CRLS1: variants seen among roughly 807,000 people sequenced by gnomAD.
The protein encoded by CRLS1 is cardiolipin synthase 1, also known as cardiolipin synthase (CMP-forming).
A neutral mutation model predicts 37.0 loss-of-function variants in CRLS1; 24 were observed. The ratio of observed to expected loss-of-function variants is 0.65; its 90% CI spans 0.47 to 0.91. The LOEUF (loss-of-function observed/expected upper bound fraction) is 0.91. Among genes scored for constraint, CRLS1 ranks in the 40% least tolerant of loss-of-function variants. The pLI, the probability that CRLS1 is intolerant of heterozygous loss-of-function variation, is 0.00. For missense variants in CRLS1, 373 were observed against 395.8 expected (o/e 0.94, Z 0.49); for synonymous variants, 135 against 159.7 (o/e 0.85, Z 1.17).
intron 1 of CRLS1, among the ~76,000 whole-genome samples, chr20:6,008,245 G>GT (rs1427853246): frequency 6.6e-6 from 1 of 152,058 alleles, no homozygotes; most frequent in Non-Finnish European, 1.5e-5. Context: ...TAAGAAAGAG[G>GT]TTAAAAGGGG....
chr20:6,034,504 T>A lies in CRLS1; in HGVS notation c.770T>A (p.Leu257Ter). 1 of 1,613,388 alleles carries A rather than the reference T, an allele frequency of 6.2e-7. No individual in the cohort carries two copies. Reference sequence around the variant, plus strand: ...CAGTTAATCTTGGTGGCAGCTTCTTTGGCAGCTCCAGTTTTCAACTATGCT... The same window carrying A: ...CAGTTAATCTTGGTGGCAGCTTCTTAGGCAGCTCCAGTTTTCAACTATGCT... Reference protein sequence around the residue: ...AVQLILVAASLAAPVFNYADS... With the variant: ...AVQLILVAAS The change falls in exon 6 of 7, where the codon TTG becomes TAG. Residue 257 changes from leucine to a stop codon, truncating the protein, a stop_gained. Transcript: ENST00000378863. LOFTEE classifies it high-confidence loss of function.
chr20:6,010,077 A>ATTT (rs774859049), intron 2 of CRLS1, among the ~76,000 whole-genome samples, 165 bp downstream of exon 2: 2 of 81,642 alleles, frequency 2.4e-5, no homozygotes, highest in Admixed American at 9.9e-5. Context: ...TCTATATGGG[A>ATTT]TTTTTTTTTT....
chr20:6,006,550 C>A lies in CRLS1; in HGVS notation c.304C>A (p.Leu102Met). 1 of 1,283,170 alleles carries A rather than the reference C, an allele frequency of 7.8e-7. No individual in the cohort carries two copies. The highest frequency in any genetic ancestry group is 2.6e-5 in the South Asian group (1 of 38,876). 79.5% of individuals were successfully genotyped at this position (1,283,170 alleles called of 1,614,324 possible). ...GTGGGGCCCGGCGAGCACCCCCAGC[C>A]TGGTACGTACCGATGAGGCGGCGGC... ...GQWGPASTPS[L>M]YENPWTIPNM... The change falls in exon 1 of 7, where the codon CTG (leucine) becomes ATG (methionine). Residue 102 changes from leucine to methionine, a missense_variant and splice_region_variant. Transcript: ENST00000378863.
At chr20:6,015,514 T>C (rs1978677735) in intron 3 of CRLS1, 24 bp downstream of exon 3, 1 of 1,608,158 alleles carries the variant, frequency 6.2e-7, no homozygotes. Flanking sequence ...ATGCGTACTT[T>C]TGAATAGCAC....
intron 6 of CRLS1, among the ~76,000 whole-genome samples, chr20:6,035,315 G>A (rs1260529856): frequency 3.3e-5 from 5 of 152,158 alleles, no homozygotes. Flanking sequence ...CTTTTTGAGT[G>A]TAGGTCCATC....
At position 6,015,504 on chromosome 20, in the gene CRLS1, A is replaced by G. The variant is rs777538525; in HGVS notation, c.574+14A>G. On this transcript the variant is annotated intron_variant, in intron 3 of 6. Coordinates refer to ENST00000378863, the MANE Select transcript of CRLS1 (RefSeq NM_019095.6). ...ATCTTATTCCAGGTAAGAACGCGTC[A>G]TGCGTACTTTTGAATAGCACAGGGA... is the stretch of plus-strand genomic sequence containing the variant. 10 of 1,612,170 alleles carry G rather than the reference A, an allele frequency of 6.2e-6. No homozygotes were observed. Among genetic ancestry groups the G allele is most frequent in the Non-Finnish European group, 7.6e-6 (9 of 1,178,526 alleles).
chr20:6,036,213 G>A (rs1372705044), intron 6 of CRLS1, among the ~76,000 whole-genome samples: 1 of 152,218 alleles, frequency 6.6e-6, no homozygotes, highest in Non-Finnish European at 1.5e-5. Context: ...GCCTGCCAAA[G>A]TGGTAGGATT....
In CRLS1 at chr20:6,006,354, G is replaced by A. The variant is rs1555792409; in HGVS notation, c.108G>A (p.Pro36=). 7.2e-7 allele frequency: 1 copy of A among 1,385,408 alleles called. No homozygotes were observed. Among genetic ancestry groups the A allele is most frequent in the Non-Finnish European group, 9.4e-7 (1 of 1,066,410 alleles). The allele number at this position is 1,385,408 out of a possible 1,614,324, so 85.8% of individuals were successfully genotyped here. Residue 36 remains proline (P), a synonymous_variant, in exon 1 of 7, where the codon CCG becomes CCA. Transcript: ENST00000378863. ...GACGCGCCTGCTGGGCCCTGCTGCC[G>A]CCCGTGCCCTGCTGCTTGGGCTGCC... ...SKRRACWALL[P]PVPCCLGCLA... is the part of the protein sequence containing the mutation.
At chr20:6,026,356 TAG>T (rs1023527982) in intron 3 of CRLS1, 1 of 151,232 alleles carries the variant, frequency 6.6e-6, no homozygotes, top group Non-Finnish European at 1.5e-5. Flanking sequence ...TATATATATT[TAG>T]ACAGTGCTAC....
In CRLS1 at chr20:6,039,155, C is replaced by T. The variant is rs775795693; in HGVS notation, c.*1997C>T. ...CTAACTAGATTTTGGGCTTTTGCAG[C>T]GAATTTTAGTCGGGGCCTCATTCCT... On this transcript the variant is annotated 3_prime_UTR_variant, in exon 7 of 7. Coordinates refer to ENST00000378863, the MANE Select transcript of CRLS1 (RefSeq NM_019095.6). The T allele has an allele frequency of 2.0e-5, 3 of 152,090 alleles. No homozygotes were observed. Among genetic ancestry groups the T allele is most frequent in the Non-Finnish European group, 1.5e-5 (1 of 68,040 alleles). 9.4% of individuals were successfully genotyped at this position (152,090 alleles called of 1,614,324 possible).
At chr20:6,018,907 A>G (rs1022483415) in intron 3 of CRLS1, among the ~76,000 whole-genome samples, 1 of 152,254 alleles carries the variant, frequency 6.6e-6, no homozygotes, top group East Asian at 1.9e-4. Context: ...CAACATTGCC[A>G]TGATATATTA....
At chr20:6,011,293 G>A (rs984983329) in intron 2 of CRLS1, among the ~76,000 whole-genome samples, 3 of 152,008 alleles carry the variant, frequency 2.0e-5, no homozygotes, top group African/African-American at 2.4e-5. Context: ...GTTGTATGCC[G>A]TCTTTCTTTG....
In CRLS1 at chr20:6,034,443, ACTTTTT is replaced by A. The variant is rs765029620; in HGVS notation, c.730-14_730-9del. The A allele has an allele frequency of 4.4e-6, 7 of 1,578,682 alleles. No homozygotes were observed. Among genetic ancestry groups the A allele is most frequent in the South Asian group, 1.1e-5 (1 of 89,780 alleles). ...ATCCAGTTGGCACTATTCACTTAGAACTTTTTCTTTTTTTATTTAGGTGAATACAGC... is the reference window on the plus strand; with the variant it reads ...ATCCAGTTGGCACTATTCACTTAGAACTTTTTTTATTTAGGTGAATACAGC... On this transcript the variant is annotated splice_polypyrimidine_tract_variant and intron_variant, in intron 5 of 6. Coordinates refer to ENST00000378863, the MANE Select transcript of CRLS1 (RefSeq NM_019095.6).
intron 6 of CRLS1, among the ~76,000 whole-genome samples, chr20:6,034,759 A>G (rs1460197338): frequency 6.6e-6 from 1 of 152,102 alleles, no homozygotes; most frequent in Non-Finnish European, 1.5e-5. Flanking sequence ...TAAAAGGGAT[A>G]AAAGGTACTG....
intron 6 of CRLS1, among the ~76,000 whole-genome samples, chr20:6,035,258 G>A (rs1414216444): frequency 6.6e-6 from 1 of 152,130 alleles, no homozygotes; most frequent in Non-Finnish European, 1.5e-5. Flanking sequence ...ATATTTAAGT[G>A]TACATTTATC....
At chr20:6,028,606 C>T (rs1358144834) in intron 3 of CRLS1, 2 of 152,158 alleles carry the variant, frequency 1.3e-5, no homozygotes, top group Non-Finnish European at 2.9e-5. Context: ...TGAACTATTT[C>T]CCTTTAATGC....
Position 6,006,535 on chromosome 20 carries a change from GC to G in CRLS1, c.290del (p.Ala97GlyfsTer19), listed in dbSNP as rs2090057646. 1 of 1,322,908 alleles carries G rather than the reference GC, an allele frequency of 7.6e-7. No homozygotes were observed. The highest frequency in any genetic ancestry group is 9.6e-7 in the Non-Finnish European group (1 of 1,045,362). 81.9% of individuals were successfully genotyped at this position (1,322,908 alleles called of 1,614,324 possible). A position where few individuals can be genotyped will look rare whatever the true frequency, so the allele number is the denominator to read the frequency against. ...AGCCCCGGGCGGCCAGTGGGGCCCGGCGAGCACCCCCAGCCTGGTACGTACC... is the reference window on the plus strand; with the variant it reads ...AGCCCCGGGCGGCCAGTGGGGCCCGGGAGCACCCCCAGCCTGGTACGTACC... ...AEAPGGQWGP[A>X]STPSLYENPW... On this transcript the variant is annotated frameshift_variant, in exon 1 of 7. Transcript: ENST00000378863. LOFTEE classifies it high-confidence loss of function.
intron 3 of CRLS1, among the ~76,000 whole-genome samples, chr20:6,021,592 C>T (rs920507798): frequency 1.3e-5 from 2 of 151,932 alleles, no homozygotes; most frequent in Non-Finnish European, 2.9e-5. Flanking sequence ...TTTTAGATAT[C>T]ACTTGTAAAT....
intron 6 of CRLS1, 57 bp from the exon 7 acceptor site, chr20:6,037,017 G>T: frequency 2.5e-6 from 3 of 1,202,078 alleles, no homozygotes; most frequent in South Asian, 1.3e-5. Flanking sequence ...TATGATTCCC[G>T]TTGCTACTAT....
Sources: allele counts gnomAD v4.1 joint callset (sites outside exome capture counted in the v4.1 genomes callset), GRCh38; gene constraint gnomAD v4.1.1; transcripts MANE v1.5; gene names NCBI Gene and HGNC (gene_info 2026-07-23, HGNC 2026-07-21).